Variants in SERPINB8 observed in about 807,000 individuals in gnomAD.
SERPINB8 encodes the protein serpin B8.
SERPINB8 carries 25 observed loss-of-function variants against 35.3 expected under a neutral mutation model. The ratio of observed to expected loss-of-function variants is 0.71; its 90% CI spans 0.52 to 0.99. The LOEUF (loss-of-function observed/expected upper bound fraction) is 0.99, where lower values mean the gene tolerates loss of function less well. SERPINB8 is among the 50% of genes least tolerant of loss of function. The pLI, the probability that SERPINB8 is intolerant of heterozygous loss-of-function variation, is 0.00. For missense variants in SERPINB8, 484 were observed against 446.5 expected (o/e 1.08, Z -0.76); for synonymous variants, 186 against 160.8 (o/e 1.16, Z -1.19).
intron 1 of SERPINB8, among the ~76,000 whole-genome samples, chr18:64,002,239 A>G (rs1312895858): frequency 6.6e-6 from 1 of 152,172 alleles, no homozygotes; most frequent in Non-Finnish European, 1.5e-5. Context: ...CCAGGGGTGG[A>G]AAAGAGCTTA....
chr18:63,993,748 G>T (rs61547070), downstream of SERPINB8, among the ~76,000 whole-genome samples: 2,955 of 152,310 alleles, frequency 0.019, 106 homozygotes, highest in African/African-American at 0.067. Context: ...AAGGCAGGCT[G>T]CATGGGGGAG....
chr18:63,984,046 C>T (rs578061175), intron 5 of SERPINB8, among the ~76,000 whole-genome samples: 5 of 152,202 alleles, frequency 3.3e-5, no homozygotes, highest in Admixed American at 2.6e-4. Flanking sequence ...AAGGTTTTGT[C>T]ATATTGCCCA....
At chr18:63,997,086 G>A (rs1292055221) in intron 1 of SERPINB8, among the ~76,000 whole-genome samples, 1 of 134,326 alleles carries the variant, frequency 7.4e-6, no homozygotes, top group Non-Finnish European at 1.5e-5. Flanking sequence ...GCTCATAGTA[G>A]AAAAATAACA....
At chr18:63,974,722 C>A (rs746762889) in intron 1 of SERPINB8, among the ~76,000 whole-genome samples, 1 of 81,058 alleles carries the variant, frequency 1.2e-5, no homozygotes, top group African/African-American at 9.6e-5. Context: ...AAGTTCCAAC[C>A]CTTTCAAAAG....
At chr18:63,978,508 A>G (rs1649749762) in intron 2 of SERPINB8, 32 bp downstream of exon 2, 11 of 1,610,576 alleles carry the variant, frequency 6.8e-6, no homozygotes, top group Admixed American at 3.3e-5. Flanking sequence ...GAAGGAGAAC[A>G]GTGTGTTTCC....
Position 63,995,571 on chromosome 18 carries a change from C to T in SERPINB8, c.71-9248C>T, listed in dbSNP as rs150729712. On this transcript the variant is annotated intron_variant, in intron 1 of 1. Transcript: ENST00000493661. ...GTATAGATGTATTGTCTATATGTGC[C>T]CCTACTGGCCTTCACCCTCAATCCC... Among the ~76,000 whole-genome samples, 344 of 152,274 alleles carry T rather than the reference C, an allele frequency of 2.3e-3. 3 individuals are homozygous for T. The highest frequency in any genetic ancestry group is 7.9e-3 in the African/African-American group (328 of 41,530).
At chr18:64,000,735 T>C (rs2050870375) in intron 1 of SERPINB8, among the ~76,000 whole-genome samples, 1 of 152,136 alleles carries the variant, frequency 6.6e-6, no homozygotes, top group Admixed American at 6.5e-5. Flanking sequence ...TGCTTTTCCA[T>C]TACTAGCTCT....
Position 63,985,016 on chromosome 18 carries a change from T to G in SERPINB8, c.568-77T>G, listed in dbSNP as rs912449723. On this transcript the variant is annotated intron_variant, in intron 5 of 6. Transcript: ENST00000397985. Reference sequence around the variant, plus strand: ...AACAGTAATTATACACACCTAGAGTTTCTGTGAGTTAGATATATCCTATTT... The same window carrying G: ...AACAGTAATTATACACACCTAGAGTGTCTGTGAGTTAGATATATCCTATTT... The G allele has an allele frequency of 5.4e-5, 78 of 1,449,676 alleles. No homozygotes were observed. In the African/African-American group the frequency reaches 9.6e-4, roughly 18 times the overall value. The allele number at this position is 1,449,676 out of a possible 1,614,324, so 89.8% of individuals were successfully genotyped here.
intron 5 of SERPINB8, 21 bp from the exon 6 acceptor site, chr18:63,985,072 G>T (rs779331561): frequency 6.8e-6 from 11 of 1,611,406 alleles, no homozygotes; most frequent in Non-Finnish European, 9.3e-6. Context: ...TTCAGTAATC[G>T]AACTTTAATT....
In SERPINB8 at chr18:64,003,206, C is replaced by T. The variant is rs983015577; in HGVS notation, c.71-1613C>T. ...TTGTCGAGCCCCCTTTTACCCAGCA[C>T]TGTTCCTGATGCTGAGTTGGGGCCA... On this transcript the variant is annotated intron_variant, in intron 1 of 1. Coordinates refer to the SERPINB8 transcript ENST00000493661. Among the ~76,000 whole-genome samples, 9 of 152,178 alleles carry T rather than the reference C, an allele frequency of 5.9e-5. No individual in the cohort carries two copies. The East Asian group carries it at 1.2e-3, about 20-fold the overall frequency.
At position 63,970,162 on chromosome 18, in the gene SERPINB8, C is replaced by G; in HGVS notation, c.-19C>G. ...GCGGCGGCGGCGGCAGCAGCAGCAG[C>G]AGCAGGAGGTGGGGGCCTCTGCCAG... On this transcript the variant is annotated 5_prime_UTR_variant, in exon 1 of 7. Transcript: ENST00000397985. The G allele has an allele frequency of 2.7e-6, 1 of 365,098 alleles. No homozygotes were observed. Among genetic ancestry groups the G allele is most frequent in the Non-Finnish European group, 5.4e-6 (1 of 185,312 alleles). The allele number at this position is 365,098 out of a possible 1,614,324, so 22.6% of individuals were successfully genotyped here.
At chr18:63,977,107 A>G (rs1213473107) in intron 1 of SERPINB8, among the ~76,000 whole-genome samples, 5 of 152,184 alleles carry the variant, frequency 3.3e-5, no homozygotes, top group Non-Finnish European at 7.3e-5. Context: ...AAACTGAAAG[A>G]TAATTAGCAG....
At chr18:63,992,326 T>G (rs116112096), downstream of SERPINB8, among the ~76,000 whole-genome samples, 1 of 152,378 alleles carries the variant, frequency 6.6e-6, no homozygotes, top group African/African-American at 2.4e-5. Context: ...CTTCTTGAGT[T>G]AGCTTTGGTA....
chr18:64,015,179 T>C (rs2050943990), intron 7 of SERPINB8, among the ~76,000 whole-genome samples: 1 of 152,146 alleles, frequency 6.6e-6, no homozygotes, highest in African/African-American at 2.4e-5. Flanking sequence ...AGCATCGGCC[T>C]GCCCAGTTGT....
chr18:63,984,248 T>C (rs67958888), intron 5 of SERPINB8, among the ~76,000 whole-genome samples: 19,412 of 152,254 alleles, frequency 0.13, 1,431 homozygotes, highest in Non-Finnish European at 0.15. Flanking sequence ...TTTCCATCTT[T>C]GATCAAATCT....
In SERPINB8 at chr18:63,995,688, C is replaced by T. The variant is rs374337015; in HGVS notation, c.71-9131C>T. On this transcript the variant is annotated intron_variant, in intron 1 of 1. Coordinates refer to the SERPINB8 transcript ENST00000493661. The stretch of plus-strand genomic sequence containing the variant: ...TACTGTCGCCTAGGCCATTGTATCC[C>T]CACCTGCTTTAGAGAGGAAAAAAAT... Among the ~76,000 whole-genome samples the T allele has an allele frequency of 5.9e-5, 9 of 152,294 alleles. No homozygotes were observed. The South Asian group carries it at 1.7e-3, about 28-fold the overall frequency.
chr18:63,970,582 CG>C (rs935411488), intron 1 of SERPINB8: 4 of 152,460 alleles, frequency 2.6e-5, no homozygotes, highest in African/African-American at 9.7e-5. Context: ...TTGGAAGCGC[CG>C]GAAGCTTGGG....
intron 3 of SERPINB8, among the ~76,000 whole-genome samples, chr18:63,980,533 G>A (rs1327080972): frequency 6.6e-6 from 1 of 152,160 alleles, no homozygotes; most frequent in Non-Finnish European, 1.5e-5. Flanking sequence ...CAGCAAGCTT[G>A]GCCATCCTAT....
At position 63,988,526 on chromosome 18, in the gene SERPINB8, T is replaced by G. The variant is rs1443331900; in HGVS notation, c.*1248T>G. On this transcript the variant is annotated 3_prime_UTR_variant, in exon 7 of 7. Coordinates refer to ENST00000397985, the MANE Select transcript of SERPINB8 (RefSeq NM_002640.4). ...ACTGTTGAGATAAAAGTTGAGCACA[T>G]TTTGAGACTTCTTCCAAATTGGTCC... 6.6e-6 allele frequency: 1 copy of G among 152,254 alleles called. No homozygotes were observed. Among genetic ancestry groups the G allele is most frequent in the Non-Finnish European group, 1.5e-5 (1 of 68,032 alleles). The allele number at this position is 152,254 out of a possible 1,614,324, so 9.4% of individuals were successfully genotyped here.
Sources: gnomAD v4.1 joint callset for allele counts (sites outside exome capture counted in the v4.1 genomes callset) on GRCh38, gnomAD v4.1.1 for gene constraint, MANE v1.5 for transcripts, NCBI Gene and HGNC (gene_info 2026-07-23, HGNC 2026-07-21) for gene names.